TLL1: variants seen among roughly 807,000 people sequenced by gnomAD.
TLL1 encodes tolloid-like protein 1.
TLL1 carries 49 observed loss-of-function variants against 128.2 expected under a neutral mutation model. The ratio of observed to expected loss-of-function variants is 0.38; its 90% CI spans 0.30 to 0.48. The LOEUF (loss-of-function observed/expected upper bound fraction) is 0.48, where lower values mean the gene tolerates loss of function less well. TLL1 is among the 20% of genes least tolerant of loss of function. The pLI is 0.96. For synonymous variants in TLL1, 454 were observed against 418.8 expected, an observed-to-expected ratio of 1.08 and a Z score of -1.03; for missense variants, 1,123 against 1,242.0, an observed-to-expected ratio of 0.90 and a Z score of 1.44.
chr4:166,059,939 G>A, intron 14 of TLL1, 89 bp from the exon 15 acceptor site: 21 of 1,475,394 alleles, frequency 1.4e-5, no homozygotes, highest in Non-Finnish European at 2.0e-5. Context: ...ATTTAGTGCT[G>A]AGATGTTTGG....
intron 12 of TLL1, among the ~76,000 whole-genome samples, chr4:166,046,006 A>G (rs1185082403): frequency 6.6e-6 from 1 of 152,178 alleles, no homozygotes; most frequent in Non-Finnish European, 1.5e-5. Context: ...CTCTTTATGT[A>G]CATGTTTATT....
At chr4:165,986,943 G>A (rs975293782) in intron 1 of TLL1, among the ~76,000 whole-genome samples, 1 of 152,096 alleles carries the variant, frequency 6.6e-6, no homozygotes, top group Non-Finnish European at 1.5e-5. Context: ...CTGACTCAAA[G>A]AAGAGTGGGA....
At chr4:166,013,684 T>A (rs1183724358) in intron 7 of TLL1, among the ~76,000 whole-genome samples, 1 of 151,726 alleles carries the variant, frequency 6.6e-6, no homozygotes, top group South Asian at 2.1e-4. Flanking sequence ...TTTAAAAAAT[T>A]AGAAAGTATT....
intron 9 of TLL1, chr4:166,030,528 C>A: frequency 1.6e-6 from 1 of 609,114 alleles, no homozygotes; most frequent in Non-Finnish European, 3.0e-6. Context: ...CACTTGTCTA[C>A]TTTTAGTTTT....
chr4:166,081,932 T>A (rs893705607), intron 18 of TLL1, among the ~76,000 whole-genome samples: 1 of 152,120 alleles, frequency 6.6e-6, no homozygotes, highest in Admixed American at 6.6e-5. Context: ...TCTAGGGCAA[T>A]CTGTTCCTTC....
At chr4:165,934,934 T>C (rs556309667) in intron 1 of TLL1, among the ~76,000 whole-genome samples, 2 of 152,346 alleles carry the variant, frequency 1.3e-5, no homozygotes, top group East Asian at 3.9e-4. Flanking sequence ...TTCTTTGTTA[T>C]AGAATACTGC....
chr4:165,879,217 A>G (rs929500484), intron 1 of TLL1, among the ~76,000 whole-genome samples: 1 of 152,100 alleles, frequency 6.6e-6, no homozygotes, highest in Non-Finnish European at 1.5e-5. Context: ...AAGTGCTGGC[A>G]TTACAGGCGT....
rs768102562 is a variant in TLL1 at position 166,083,590 on chromosome 4, T to C, written c.2442+5560T>C. On this transcript the variant is annotated intron_variant, in intron 18 of 20. Transcript: ENST00000061240. The stretch of plus-strand genomic sequence containing the variant: ...GGTCAACACCATTCAACTCTCTGCT[T>C]CTTTAAGTTTGATCATTTTAGATTC... Among the ~76,000 whole-genome samples, 46 of 123,036 alleles carry C rather than the reference T, an allele frequency of 3.7e-4. 16 individuals are homozygous for C. Among genetic ancestry groups the C allele is most frequent in the Non-Finnish European group, 8.2e-4 (43 of 52,198 alleles). 80.7% of individuals were successfully genotyped at this position (123,036 alleles called of 152,430 possible).
intron 15 of TLL1, among the ~76,000 whole-genome samples, chr4:166,062,448 G>A (rs1222793931): frequency 1.3e-5 from 2 of 152,126 alleles, no homozygotes; most frequent in Non-Finnish European, 2.9e-5. Flanking sequence ...CTCGTAAGTT[G>A]TATTCCAAGG....
At position 165,873,926 on chromosome 4, in the gene TLL1, C is replaced by T. The variant is rs368543443; in HGVS notation, c.22C>T (p.Pro8Ser). 3 of 1,613,972 alleles carry T rather than the reference C, an allele frequency of 1.9e-6. No homozygotes were observed. The African/African-American group carries it at 4.0e-5, about 22-fold the overall frequency. MGLGTLS[P>S]RMLVWLVASG... is the part of the protein sequence containing the mutation. ...GAGGATGGGGTTGGGAACGCTTTCCCCGAGGATGCTCGTGTGGCTGGTGGC... is the reference window on the plus strand; with the variant it reads ...GAGGATGGGGTTGGGAACGCTTTCCTCGAGGATGCTCGTGTGGCTGGTGGC... The change falls in exon 1 of 21, where the codon CCG becomes TCG. Residue 8 changes from proline to serine, a missense_variant. Physicochemically the swap from Pro to Ser is moderately conservative, Grantham distance 74. Around this residue, in one of 3 missense-constraint regions of TLL1, gnomAD observed 480 missense variants for 542.4 expected, o/e 0.89. Coordinates refer to ENST00000061240, the MANE Select transcript of TLL1 (RefSeq NM_012464.5).
At chr4:166,054,770 A>G (rs754136786) in intron 12 of TLL1, among the ~76,000 whole-genome samples, 4 of 151,954 alleles carry the variant, frequency 2.6e-5, no homozygotes, top group African/African-American at 4.8e-5. Flanking sequence ...TTCAGCCTCT[A>G]TTGAATGAAG....
chr4:165,958,454 A>T (rs1473248654), intron 1 of TLL1, among the ~76,000 whole-genome samples: 1 of 138,122 alleles, frequency 7.2e-6, no homozygotes, highest in East Asian at 2.1e-4. Flanking sequence ...CATTTCTCTG[A>T]TGGCCAGTGA....
At chr4:166,093,242 A>G (rs985479621) in intron 19 of TLL1, among the ~76,000 whole-genome samples, 3 of 152,122 alleles carry the variant, frequency 2.0e-5, no homozygotes, top group African/African-American at 7.2e-5. Flanking sequence ...CTCAGTTTTT[A>G]TTGATTATTA....
At chr4:166,100,399 C>G (rs560568540) in intron 20 of TLL1, among the ~76,000 whole-genome samples, 1 of 152,196 alleles carries the variant, frequency 6.6e-6, no homozygotes, top group South Asian at 2.1e-4. Context: ...CTCTCTGAAC[C>G]TCACTTTACT....
At chr4:166,089,768 A>AT (rs959595571) in intron 18 of TLL1, among the ~76,000 whole-genome samples, 2 of 152,054 alleles carry the variant, frequency 1.3e-5, no homozygotes, top group Admixed American at 6.6e-5. Flanking sequence ...ATTGGTTATA[A>AT]TTTTTTTTAT....
At chr4:166,029,366 T>C (rs368899014) in intron 9 of TLL1, among the ~76,000 whole-genome samples, 1 of 152,054 alleles carries the variant, frequency 6.6e-6, no homozygotes, top group Non-Finnish European at 1.5e-5. Context: ...TTATAAGATA[T>C]TGCTTTGCAT....
At chr4:166,038,667 G>T (rs954709) in intron 9 of TLL1, among the ~76,000 whole-genome samples, 23,114 of 152,070 alleles carry the variant, frequency 0.15, 2,130 homozygotes, top group African/African-American at 0.26. Context: ...TTATCTTTAC[G>T]CAACAGCATC....
intron 1 of TLL1, among the ~76,000 whole-genome samples, chr4:165,970,055 C>T (rs910157673): frequency 6.6e-6 from 1 of 152,084 alleles, no homozygotes; most frequent in South Asian, 2.1e-4. Flanking sequence ...CTAAATAAGT[C>T]TCATTACTTT....
chr4:165,963,840 A>G (rs1211979789), intron 1 of TLL1, among the ~76,000 whole-genome samples: 1 of 152,162 alleles, frequency 6.6e-6, no homozygotes, highest in East Asian at 1.9e-4. Context: ...TGAAGTGAAA[A>G]TGTGTGGTTG....
Sources: allele counts gnomAD v4.1 joint callset (sites outside exome capture counted in the v4.1 genomes callset), GRCh38; gene constraint gnomAD v4.1.1; regional missense constraint gnomAD v4.1.1; transcripts MANE v1.5; gene names NCBI Gene and HGNC (gene_info 2026-07-23, HGNC 2026-07-21).